The following STX1B variants were observed in gnomAD, a reference collection of about 807,000 sequenced individuals.
STX1B encodes the protein syntaxin-1B.
In STX1B, 7 loss-of-function variants were observed where a neutral mutation model predicts 39.4. The ratio of observed to expected loss-of-function variants is 0.18; its 90% CI spans 0.10 to 0.33. The LOEUF is 0.33. Ranked by LOEUF, STX1B falls within the 10% of genes least tolerant of loss-of-function variation. The probability of loss-of-function intolerance (pLI) is 1.00; values close to 1 mark genes in which losing one functional copy is unlikely to be tolerated. For missense variants in STX1B, 198 were observed against 383.2 expected (o/e 0.52, Z 4.04); for synonymous variants, 136 against 144.1 (o/e 0.94, Z 0.40).
intron 4 of STX1B, among the ~76,000 whole-genome samples, chr16:30,997,892 C>G (rs763919046): frequency 4.6e-5 from 7 of 152,202 alleles, no homozygotes; most frequent in Non-Finnish European, 1.0e-4. Context: ...AATTCCTGTC[C>G]AACTCCATGA....
Position 31,010,483 on chromosome 16 carries a change from TGGGGGCGCCG to T in STX1B, c.-97_-88del, listed in dbSNP as rs1239397221. 13 of 938,378 alleles carry T rather than the reference TGGGGGCGCCG, an allele frequency of 1.4e-5. No homozygotes were observed. Among genetic ancestry groups the T allele is most frequent in the Non-Finnish European group, 1.8e-5 (13 of 738,090 alleles). The allele number at this position is 938,378 out of a possible 1,614,324, so 58.1% of individuals were successfully genotyped here. ...CGCCTCTGTGCCGGAGGCCGGGGTC[TGGGGGCGCCG>T]GGGGGCGCCGCGGCCGCTGCGGGGG... is the stretch of plus-strand genomic sequence containing the variant. On this transcript the variant is annotated 5_prime_UTR_variant, in exon 1 of 10. Coordinates refer to ENST00000215095, the MANE Select transcript of STX1B (RefSeq NM_052874.5).
At chr16:30,994,926 TG>T (rs976818947) in intron 7 of STX1B, among the ~76,000 whole-genome samples, 1 of 148,036 alleles carries the variant, frequency 6.8e-6, no homozygotes, top group Non-Finnish European at 1.5e-5. Flanking sequence ...TTTTGTTCTT[TG>T]TTGAGACAAG....
intron 1 of STX1B, among the ~76,000 whole-genome samples, chr16:31,005,342 C>T (rs1667666687): frequency 6.6e-6 from 1 of 152,162 alleles, no homozygotes; most frequent in South Asian, 2.1e-4. Context: ...ATGGTGGCCT[C>T]AGGTTACAGG....
chr16:31,001,009 G>A lies in STX1B; in HGVS notation c.206-7C>T. ...TCCAGCTCCTGTTTGGTCTCTGAGG[G>A]GAGGGCGAGGGCAAGTGAGATGTCT... is the stretch of plus-strand genomic sequence containing the variant. On this transcript the variant is annotated splice_region_variant and splice_polypyrimidine_tract_variant and intron_variant, in intron 3 of 9. Coordinates refer to ENST00000215095, the MANE Select transcript of STX1B (RefSeq NM_052874.5). This position sits in a 1 kb window ranked among gnomAD's most constrained non-coding sequence, Gnocchi z 5.5. The A allele has an allele frequency of 6.2e-7, 1 of 1,614,176 alleles. No individual in the cohort carries two copies. Among genetic ancestry groups the A allele is most frequent in the Non-Finnish European group, 8.5e-7 (1 of 1,180,028 alleles).
chr16:30,999,911 T>G (rs764623827), intron 4 of STX1B, among the ~76,000 whole-genome samples: 1 of 152,150 alleles, frequency 6.6e-6, no homozygotes, highest in Non-Finnish European at 1.5e-5. Flanking sequence ...TGGGGTTTTG[T>G]GCTTTCTGAC....
At chr16:31,002,878 A>C (rs530277103) in intron 1 of STX1B, among the ~76,000 whole-genome samples, 1 of 152,284 alleles carries the variant, frequency 6.6e-6, no homozygotes, top group South Asian at 2.1e-4. Flanking sequence ...CTGGGGGTGT[A>C]CTCAGTTGGA....
chr16:31,010,306 C>CGG, intron 1 of STX1B, 61 bp downstream of exon 1: 1 of 417,986 alleles, frequency 2.4e-6, no homozygotes, highest in Non-Finnish European at 4.5e-6. Flanking sequence ...CCCACTCCAT[C>CGG]CCCACGCGCT....
chr16:31,009,962 T>G (rs2056672531), intron 1 of STX1B, among the ~76,000 whole-genome samples: 1 of 152,018 alleles, frequency 6.6e-6, no homozygotes, highest in African/African-American at 2.4e-5. Flanking sequence ...ATCCCCTGAA[T>G]CTGGGTCCTG....
chr16:30,996,256 C>G (rs1343860156), intron 7 of STX1B: 1 of 157,118 alleles, frequency 6.4e-6, no homozygotes, highest in African/African-American at 2.4e-5. Context: ...TCTGGTGAAA[C>G]GACTTGCTTC....
intron 7 of STX1B, among the ~76,000 whole-genome samples, chr16:30,995,107 T>A (rs759341092): frequency 3.3e-5 from 5 of 151,920 alleles, no homozygotes; most frequent in Non-Finnish European, 7.4e-5. Flanking sequence ...TAGAACTGAT[T>A]TGCCTACATT....
At chr16:31,009,145 T>C (rs2143689767) in intron 1 of STX1B, among the ~76,000 whole-genome samples, 1 of 152,230 alleles carries the variant, frequency 6.6e-6, no homozygotes, top group East Asian at 1.9e-4. Context: ...GTCTGTAACC[T>C]GGGTCCCCAC....
intron 1 of STX1B, among the ~76,000 whole-genome samples, chr16:31,007,736 G>A (rs976263847): frequency 6.6e-6 from 1 of 152,166 alleles, no homozygotes; most frequent in African/African-American, 2.4e-5. Flanking sequence ...GGGCTTGTGT[G>A]GTGTTGAAGA....
Position 31,009,375 on chromosome 16 carries a change from C to CAGTT in STX1B, c.30+988_30+991dup, listed in dbSNP as rs200622386. On this transcript the variant is annotated intron_variant, in intron 1 of 9. Transcript: ENST00000215095. ...AATAACCCCTGGGGTAACAACCCAC[C>CAGTT]AGTTCCCTGTAAAGGCTCAGTGCAT... 3.5e-3 allele frequency among the ~76,000 whole-genome samples: 537 copies of CAGTT among 152,198 alleles called. 12 individuals are homozygous for CAGTT. The East Asian group carries it at 0.036, about 10-fold the overall frequency.
At chr16:30,994,152 T>C (rs1688685342) in intron 7 of STX1B, among the ~76,000 whole-genome samples, 1 of 150,894 alleles carries the variant, frequency 6.6e-6, no homozygotes, top group Admixed American at 6.6e-5. Context: ...ATTAGCCGGG[T>C]GTGGTGGTGG....
At chr16:30,993,300 C>T in intron 8 of STX1B, 47 bp downstream of exon 8, 2 of 1,613,520 alleles carry the variant, frequency 1.2e-6, no homozygotes, top group Non-Finnish European at 1.7e-6. Flanking sequence ...GAGGGGACCT[C>T]AGGCCCAGGG....
At chr16:30,995,983 C>G (rs1182225832) in intron 7 of STX1B, among the ~76,000 whole-genome samples, 1 of 151,978 alleles carries the variant, frequency 6.6e-6, no homozygotes, top group African/African-American at 2.4e-5. Context: ...TTGAGACCAG[C>G]CTGGGCAACA....
At chr16:31,000,836 C>T in intron 4 of STX1B, 92 bp downstream of exon 4, 1 of 1,272,754 alleles carries the variant, frequency 7.9e-7, no homozygotes, top group Non-Finnish European at 1.1e-6. Flanking sequence ...TGGGATTGAG[C>T]AATTGGCCCC....
At position 31,000,974 on chromosome 16, in the gene STX1B, A is replaced by G. The variant is rs1476349435; in HGVS notation, c.234T>C (p.Thr78=). ...TGTTGGCCGTCTTCTTGATGTCTGCAGTGAGATCCTCCAGCTCCTGTTTGG... is the reference window on the plus strand; with the variant it reads ...TGTTGGCCGTCTTCTTGATGTCTGCGGTGAGATCCTCCAGCTCCTGTTTGG... ...EKTKQELEDL[T]ADIKKTANKV... The change falls in exon 4 of 10, where the codon ACT becomes ACC. Residue 78 remains threonine, a synonymous_variant. Transcript: ENST00000215095. 2 of 1,613,962 alleles carry G rather than the reference A, an allele frequency of 1.2e-6. No individual in the cohort carries two copies. The highest frequency in any genetic ancestry group is 2.7e-5 in the African/African-American group (2 of 74,876).
At chr16:31,009,551 C>T (rs1162871121) in intron 1 of STX1B, among the ~76,000 whole-genome samples, 2 of 151,956 alleles carry the variant, frequency 1.3e-5, no homozygotes, top group Non-Finnish European at 2.9e-5. Context: ...TCATCGAACC[C>T]CACTCCCCAG....
Sources: gnomAD v4.1 joint callset for allele counts (sites outside exome capture counted in the v4.1 genomes callset) on GRCh38, gnomAD v4.1.1 for gene constraint, Gnocchi (gnomAD v3.1) non-coding constraint, MANE v1.5 for transcripts, NCBI Gene and HGNC (gene_info 2026-07-23, HGNC 2026-07-21) for gene names.